TNFSF4: variants seen among roughly 807,000 people sequenced by gnomAD.
TNFSF4 encodes TNF superfamily member 4.
A neutral mutation model predicts 7.3 loss-of-function variants in TNFSF4; 4 were observed. The ratio of observed to expected loss-of-function variants is 0.55; its 90% CI spans 0.27 to 1.25. TNFSF4 has a LOEUF of 1.25. TNFSF4 is among the 50% of genes most tolerant of loss of function. TNFSF4 has a pLI of 0.12. For synonymous variants in TNFSF4, 76 were observed against 83.7 expected (o/e 0.91, Z 0.50); for missense variants, 181 against 208.8 (o/e 0.87, Z 0.82).
chr1:173,438,207 G>T, the TNFSF4 span, among the ~76,000 whole-genome samples: 1 of 151,952 alleles, frequency 6.6e-6, no homozygotes, highest in African/African-American at 2.4e-5. Flanking sequence ...GGTTAATTTT[G>T]TTTCAAAAAC....
At chr1:173,189,234 G>A (rs930766488) in intron 1 of TNFSF4, among the ~76,000 whole-genome samples, 1 of 152,170 alleles carries the variant, frequency 6.6e-6, no homozygotes, top group African/African-American at 2.4e-5. Context: ...TAGTCATATT[G>A]TTAAGAAACC....
the TNFSF4 span, among the ~76,000 whole-genome samples, chr1:173,432,343 A>G: frequency 2.0e-5 from 3 of 152,168 alleles, no homozygotes; most frequent in African/African-American, 7.2e-5. Context: ...CTAATCCCCA[A>G]TGTATTTGTA....
the TNFSF4 span, among the ~76,000 whole-genome samples, chr1:173,341,827 G>A: frequency 6.6e-6 from 1 of 152,070 alleles, no homozygotes; most frequent in South Asian, 2.1e-4. Context: ...GTGCTGCATT[G>A]CAGAAGCAAC....
chr1:173,405,732 A>G, the TNFSF4 span, among the ~76,000 whole-genome samples: 2 of 152,230 alleles, frequency 1.3e-5, no homozygotes, highest in East Asian at 3.8e-4. Context: ...AGATTACATA[A>G]AAAGAGTAGA....
At chr1:173,240,951 A>G in the TNFSF4 span, among the ~76,000 whole-genome samples, 65,869 of 151,972 alleles carry the variant, frequency 0.43, 14,449 homozygotes, top group Admixed American at 0.53. Flanking sequence ...GTATTTACTA[A>G]CCATCAGGAT....
the TNFSF4 span, among the ~76,000 whole-genome samples, chr1:173,343,664 G>A: frequency 6.6e-6 from 1 of 152,124 alleles, no homozygotes; most frequent in Non-Finnish European, 1.5e-5. Flanking sequence ...TACTCTCATG[G>A]CATTCTAAAC....
the TNFSF4 span, among the ~76,000 whole-genome samples, chr1:173,412,859 T>A: frequency 9.9e-5 from 15 of 152,226 alleles, no homozygotes; most frequent in Non-Finnish European, 1.6e-4. Flanking sequence ...ACGGATTTTA[T>A]GTAAAATTCA....
intron 1 of TNFSF4, among the ~76,000 whole-genome samples, chr1:173,203,105 A>G (rs1035709460): frequency 1.3e-5 from 2 of 152,186 alleles, no homozygotes; most frequent in Non-Finnish European, 2.9e-5. Context: ...GGTACCTAGC[A>G]CAAGTAAACA....
the TNFSF4 span, among the ~76,000 whole-genome samples, chr1:173,299,217 C>T: frequency 6.6e-6 from 1 of 151,904 alleles, no homozygotes; most frequent in Non-Finnish European, 1.5e-5. Context: ...TCCTTTTCCC[C>T]ACTGCTTTTA....
At chr1:173,304,729 C>T in the TNFSF4 span, among the ~76,000 whole-genome samples, 1 of 151,930 alleles carries the variant, frequency 6.6e-6, no homozygotes, top group Non-Finnish European at 1.5e-5. Context: ...TGCTTAAGTG[C>T]CCTCATGGCA....
At chr1:173,289,716 C>T in the TNFSF4 span, among the ~76,000 whole-genome samples, 1 of 151,936 alleles carries the variant, frequency 6.6e-6, no homozygotes, top group South Asian at 2.1e-4. Flanking sequence ...GGGAATTCAA[C>T]AACTGAAAAA....
At chr1:173,216,590 G>C in the TNFSF4 span, among the ~76,000 whole-genome samples, 2 of 152,194 alleles carry the variant, frequency 1.3e-5, no homozygotes, top group African/African-American at 2.4e-5. Flanking sequence ...TGGATGGAGA[G>C]AAGTATAGCA....
At chr1:173,190,203 A>C (rs1649417217) in intron 1 of TNFSF4, among the ~76,000 whole-genome samples, 1 of 152,170 alleles carries the variant, frequency 6.6e-6, no homozygotes, top group Admixed American at 6.5e-5. Flanking sequence ...ACTCCATCTC[A>C]AAAAAATAAA....
At chr1:173,441,745 G>A in the TNFSF4 span, among the ~76,000 whole-genome samples, 1 of 152,226 alleles carries the variant, frequency 6.6e-6, no homozygotes, top group East Asian at 1.9e-4. Context: ...ATTTATTTGT[G>A]TATAGGTGAA....
intron 1 of TNFSF4, among the ~76,000 whole-genome samples, chr1:173,190,264 G>C (rs936941592): frequency 1.3e-5 from 2 of 152,124 alleles, no homozygotes; most frequent in African/African-American, 4.8e-5. Flanking sequence ...GCTTATTTTG[G>C]CATGACGTCC....
chr1:173,310,632 T>C, the TNFSF4 span, among the ~76,000 whole-genome samples: 1 of 151,832 alleles, frequency 6.6e-6, no homozygotes, highest in East Asian at 1.9e-4. Context: ...ATTTTCTTAA[T>C]ACAGTTTTCA....
the TNFSF4 span, among the ~76,000 whole-genome samples, chr1:173,292,652 G>GA: frequency 0.099 from 14,167 of 142,976 alleles, 764 homozygotes; most frequent in Middle Eastern, 0.13. Context: ...GAGCAATCAG[G>GA]AAAAAAAAAA....
chr1:173,327,106 AC>A, the TNFSF4 span, among the ~76,000 whole-genome samples: 1 of 152,236 alleles, frequency 6.6e-6, no homozygotes, highest in Non-Finnish European at 1.5e-5. Context: ...ATGCTACCTG[AC>A]TTCAAACTAT....
At chr1:173,297,242 T>C in the TNFSF4 span, among the ~76,000 whole-genome samples, 1 of 151,732 alleles carries the variant, frequency 6.6e-6, no homozygotes, top group Non-Finnish European at 1.5e-5. Context: ...TCATACACCA[T>C]CTAATGATAT....
Sources: allele counts gnomAD v4.1 joint callset (sites outside exome capture counted in the v4.1 genomes callset), GRCh38; gene constraint gnomAD v4.1.1; transcripts MANE v1.5; gene names NCBI Gene and HGNC (gene_info 2026-07-23, HGNC 2026-07-21).